Variants in TAFA2 observed in about 807,000 individuals in gnomAD.
TAFA2 encodes chemokine-like protein TAFA-2.
TAFA2 carries 7 observed loss-of-function variants against 18.8 expected under a neutral mutation model. The observed-to-expected ratio is 0.37, with a 90% CI of 0.21 to 0.70. The LOEUF (loss-of-function observed/expected upper bound fraction) is 0.70, where lower values mean the gene tolerates loss of function less well. Ranked by LOEUF, TAFA2 falls within the 30% of genes least tolerant of loss-of-function variation. The pLI, the probability that TAFA2 is intolerant of heterozygous loss-of-function variation, is 0.53. For synonymous variants in TAFA2, 60 were observed against 54.2 expected (o/e 1.11, Z -0.47); for missense variants, 122 against 158.1 (o/e 0.77, Z 1.23).
At chr12:61,996,627 GC>G (rs572228814) in intron 1 of TAFA2, among the ~76,000 whole-genome samples, 18 of 152,260 alleles carry the variant, frequency 1.2e-4, no homozygotes, top group African/African-American at 3.6e-4. Context: ...CTGAGTCACA[GC>G]TGCCCACAGT....
chr12:61,813,406 T>C (rs1871954579), intron 2 of TAFA2, among the ~76,000 whole-genome samples: 1 of 151,372 alleles, frequency 6.6e-6, no homozygotes, highest in Admixed American at 6.6e-5. Flanking sequence ...TTCTGTCATA[T>C]ATACTGCAAA....
intron 1 of TAFA2, among the ~76,000 whole-genome samples, chr12:62,058,534 C>T (rs554000937): frequency 1.4e-3 from 211 of 152,300 alleles, no homozygotes; most frequent in African/African-American, 4.8e-3. Flanking sequence ...TTGAATGAGG[C>T]AAGGCAGTCA....
chr12:61,980,222 A>T (rs542345491), intron 1 of TAFA2, among the ~76,000 whole-genome samples: 49 of 152,312 alleles, frequency 3.2e-4, no homozygotes, highest in Non-Finnish European at 5.7e-4. Context: ...ATCTCAATAG[A>T]TGCAGAAAAG....
chr12:62,123,694 CA>C (rs1870315766), intron 1 of TAFA2, among the ~76,000 whole-genome samples: 2 of 151,246 alleles, frequency 1.3e-5, no homozygotes, highest in Non-Finnish European at 2.9e-5. Context: ...CTCTCACACA[CA>C]CACACACATA....
At chr12:62,063,744 A>C (rs1882412871) in intron 1 of TAFA2, among the ~76,000 whole-genome samples, 2 of 152,092 alleles carry the variant, frequency 1.3e-5, no homozygotes, top group African/African-American at 4.8e-5. Context: ...AATTTCCTAT[A>C]ATCAAAAACC....
At chr12:61,901,708 C>G (rs531141773) in intron 1 of TAFA2, among the ~76,000 whole-genome samples, 1 of 152,052 alleles carries the variant, frequency 6.6e-6, no homozygotes, top group African/African-American at 2.4e-5. Context: ...ATTGAAGGCA[C>G]CACACTAATC....
chr12:61,810,576 GCTAT>G (rs778936227), intron 2 of TAFA2, among the ~76,000 whole-genome samples: 2 of 151,226 alleles, frequency 1.3e-5, no homozygotes, highest in Non-Finnish European at 2.9e-5. Flanking sequence ...GGCAGAAATA[GCTAT>G]CTATCTCGCA....
In TAFA2 at chr12:61,867,450, A is replaced by T. The variant is rs746328289; in HGVS notation, c.-1-24T>A. 2.9e-6 allele frequency: 4 copies of T among 1,378,572 alleles called. No individual in the cohort carries two copies. The South Asian group carries it at 4.7e-5, about 16-fold the overall frequency. The allele number at this position is 1,378,572 out of a possible 1,614,324, so 85.4% of individuals were successfully genotyped here. On this transcript the variant is annotated intron_variant, in intron 1 of 4. Coordinates refer to ENST00000416284, the MANE Select transcript of TAFA2 (RefSeq NM_178539.5). ...TCCTGCAAATAAAAAAATAATAAAAATCATAAGTATGCAAATTCATAGCTT... is the reference window on the plus strand; with the variant it reads ...TCCTGCAAATAAAAAAATAATAAAATTCATAAGTATGCAAATTCATAGCTT...
chr12:62,237,279 G>A (rs374925845), intron 1 of TAFA2, among the ~76,000 whole-genome samples: 7 of 152,234 alleles, frequency 4.6e-5, no homozygotes, highest in East Asian at 3.9e-4. Context: ...AGGCCGAGGC[G>A]GGCAGATCAT....
rs370772832 is a variant in TAFA2 at position 61,990,580 on chromosome 12, C to G, written c.-1-123154G>C. ...GGTCTCGATCTCCTGACCTCGTGAT[C>G]CACCCGCCTCGGCCTCCCAAAGTGC... On this transcript the variant is annotated intron_variant, in intron 1 of 4. Coordinates refer to ENST00000416284, the MANE Select transcript of TAFA2 (RefSeq NM_178539.5). Among the ~76,000 whole-genome samples, 652 of 150,620 alleles carry G rather than the reference C, an allele frequency of 4.3e-3. 5 individuals carry two copies. The highest frequency in any genetic ancestry group is 0.013 in the African/African-American group (552 of 40,952).
At chr12:61,724,088 C>A (rs1260430448) in intron 4 of TAFA2, among the ~76,000 whole-genome samples, 1 of 152,116 alleles carries the variant, frequency 6.6e-6, no homozygotes, top group African/African-American at 2.4e-5. Context: ...TATGTGCATG[C>A]ACACAAACAG....
chr12:61,821,133 AC>A (rs1450180394), intron 2 of TAFA2, among the ~76,000 whole-genome samples: 1 of 68,960 alleles, frequency 1.5e-5, no homozygotes, highest in Non-Finnish European at 3.5e-5. Context: ...AGGGGTACAC[AC>A]ACACACACAC....
At chr12:62,122,960 T>C (rs1444246) in intron 1 of TAFA2, among the ~76,000 whole-genome samples, 35,689 of 152,134 alleles carry the variant, frequency 0.23, 4,387 homozygotes, top group East Asian at 0.31. Flanking sequence ...TCAACATGCA[T>C]AAAACCAGTC....
chr12:62,173,915 C>A (rs766043127), intron 1 of TAFA2, among the ~76,000 whole-genome samples: 48 of 152,132 alleles, frequency 3.2e-4, no homozygotes, highest in Non-Finnish European at 5.7e-4. Context: ...GAAAATCAGA[C>A]CAAAAGGTCT....
chr12:61,817,343 G>C (rs928453628), intron 2 of TAFA2, among the ~76,000 whole-genome samples: 1 of 151,702 alleles, frequency 6.6e-6, no homozygotes, highest in Non-Finnish European at 1.5e-5. Flanking sequence ...AAAGCAAAAA[G>C]AATAATAATC....
chr12:62,169,437 A>G lies in TAFA2; in HGVS notation c.-2+21822T>C, dbSNP rs1394351599. ...GAATAGCTGTATTACCTGGCTCTGC[A>G]GGGTTTTCTGTGCCTTAAATACGTA... On this transcript the variant is annotated intron_variant, in intron 1 of 4. Transcript: ENST00000416284. 7.9e-5 allele frequency among the ~76,000 whole-genome samples: 12 copies of G among 152,320 alleles called. No individual in the cohort carries two copies. The East Asian group carries it at 2.1e-3, about 27-fold the overall frequency.
intron 2 of TAFA2, among the ~76,000 whole-genome samples, chr12:61,814,442 G>A (rs765589255): frequency 2.8e-4 from 43 of 151,130 alleles, no homozygotes; most frequent in Non-Finnish European, 5.6e-4. Context: ...ACCAGGGAAC[G>A]GTGTGGTTAA....
At chr12:61,923,189 G>T (rs1002021196) in intron 1 of TAFA2, among the ~76,000 whole-genome samples, 14 of 152,202 alleles carry the variant, frequency 9.2e-5, no homozygotes, top group Non-Finnish European at 1.8e-4. Context: ...GTTCCTGCCT[G>T]TCGGCTCTAA....
At chr12:62,098,789 A>G (rs1021654812) in intron 1 of TAFA2, among the ~76,000 whole-genome samples, 1 of 152,200 alleles carries the variant, frequency 6.6e-6, no homozygotes, top group African/African-American at 2.4e-5. Flanking sequence ...TAAAGATATT[A>G]AAATTGAAAT....
Sources: allele counts gnomAD v4.1 joint callset (sites outside exome capture counted in the v4.1 genomes callset), GRCh38; gene constraint gnomAD v4.1.1; transcripts MANE v1.5; gene names NCBI Gene and HGNC (gene_info 2026-07-23, HGNC 2026-07-21).